The following FBXL2 variants were observed in gnomAD, a reference collection of about 807,000 sequenced individuals.
The protein encoded by FBXL2 is F-box/LRR-repeat protein 2.
In FBXL2, 38 loss-of-function variants were observed where a neutral mutation model predicts 69.2. The observed-to-expected ratio is 0.55, with a 90% CI of 0.42 to 0.72. The LOEUF (loss-of-function observed/expected upper bound fraction) is 0.72, where lower values mean the gene tolerates loss of function less well. Among genes scored for constraint, FBXL2 ranks in the 30% least tolerant of loss-of-function variants. FBXL2 has a pLI of 0.00. For missense variants in FBXL2, 354 were observed against 520.3 expected (o/e 0.68, Z 3.11); for synonymous variants, 192 against 201.3 (o/e 0.95, Z 0.39).
chr3:33,412,587 A>G, the FBXL2 span: 1 of 639,670 alleles, frequency 1.6e-6, no homozygotes. Flanking sequence ...GTCTCAAAAA[A>G]AAAAAAAAAA....
intron 1 of FBXL2, among the ~76,000 whole-genome samples, chr3:33,288,416 TG>T (rs1376108732): frequency 6.6e-6 from 1 of 151,922 alleles, no homozygotes; most frequent in Non-Finnish European, 1.5e-5. Flanking sequence ...ACAGATAAGG[TG>T]GTGAAAAGTA....
At chr3:33,345,618 A>G (rs967586604) in intron 2 of FBXL2, among the ~76,000 whole-genome samples, 8 of 152,240 alleles carry the variant, frequency 5.3e-5, no homozygotes, top group South Asian at 2.1e-4. Flanking sequence ...TTAAGGTTAT[A>G]TGGAACATTC....
chr3:33,383,890 A>C, intron 13 of FBXL2, 99 bp from the exon 14 acceptor site: 1 of 1,095,694 alleles, frequency 9.1e-7, no homozygotes, highest in East Asian at 2.5e-5. Flanking sequence ...GTGTCATCCC[A>C]TTGCAGAAGG....
chr3:33,412,756 C>T, the FBXL2 span: 4 of 1,613,918 alleles, frequency 2.5e-6, no homozygotes, highest in African/African-American at 5.3e-5. Flanking sequence ...GGCGATTCCA[C>T]TTCCATCCTT....
chr3:33,277,714 G>GC (rs904967585), intron 1 of FBXL2, among the ~76,000 whole-genome samples, 199 bp downstream of exon 1: 18 of 152,184 alleles, frequency 1.2e-4, no homozygotes, highest in African/African-American at 3.4e-4. Context: ...GCGCCCGCCT[G>GC]CCGGGGGGCG....
chr3:33,406,784 A>G (rs551101227), downstream of FBXL2, among the ~76,000 whole-genome samples: 39 of 152,322 alleles, frequency 2.6e-4, no homozygotes, highest in African/African-American at 9.4e-4. Flanking sequence ...CTCCCCAGGT[A>G]AAGAATGATC....
chr3:33,361,035 G>A (rs1034918512), intron 4 of FBXL2, among the ~76,000 whole-genome samples: 8 of 143,740 alleles, frequency 5.6e-5, no homozygotes, highest in African/African-American at 1.3e-4. Flanking sequence ...GGGTTCATGC[G>A]ATTCTCCTGC....
chr3:33,371,472 G>GT (rs1398190859), intron 5 of FBXL2, among the ~76,000 whole-genome samples: 2 of 151,566 alleles, frequency 1.3e-5, no homozygotes, highest in East Asian at 3.9e-4. Flanking sequence ...CATCTGGCCG[G>GT]TTTTCATATC....
chr3:33,404,877 G>T (rs142740934), downstream of FBXL2, among the ~76,000 whole-genome samples: 884 of 152,106 alleles, frequency 5.8e-3, 10 homozygotes, highest in African/African-American at 0.021. Context: ...AAACAAAATT[G>T]CTCATATGTA....
At chr3:33,338,856 A>G (rs560487288) in intron 2 of FBXL2, among the ~76,000 whole-genome samples, 1 of 152,320 alleles carries the variant, frequency 6.6e-6, no homozygotes, top group South Asian at 2.1e-4. Context: ...CATTCTGGAC[A>G]TAGGCCCTGG....
chr3:33,279,993 C>T (rs2033795024), intron 1 of FBXL2, among the ~76,000 whole-genome samples: 2 of 152,202 alleles, frequency 1.3e-5, no homozygotes, highest in African/African-American at 2.4e-5. Flanking sequence ...TATATGTTTC[C>T]TCATATATAT....
At chr3:33,323,214 AT>A (rs1448063288) in intron 2 of FBXL2, among the ~76,000 whole-genome samples, 4 of 151,988 alleles carry the variant, frequency 2.6e-5, no homozygotes, top group African/African-American at 9.7e-5. Context: ...AACTTTGCAA[AT>A]TTTTCCTCTC....
At chr3:33,341,093 A>G (rs59376327) in intron 2 of FBXL2, among the ~76,000 whole-genome samples, 30,317 of 151,974 alleles carry the variant, frequency 0.2, 3,685 homozygotes, top group East Asian at 0.47. Flanking sequence ...TGAGCTTTCA[A>G]TGCTTCTTAT....
At chr3:33,385,240 T>A (rs535809819) in intron 14 of FBXL2, among the ~76,000 whole-genome samples, 1 of 152,152 alleles carries the variant, frequency 6.6e-6, no homozygotes, top group African/African-American at 2.4e-5. Context: ...GTAGAGAACA[T>A]TCACTTAGTT....
chr3:33,417,772 T>C, the FBXL2 span, among the ~76,000 whole-genome samples: 81 of 152,196 alleles, frequency 5.3e-4, no homozygotes, highest in Admixed American at 1.9e-3. Context: ...AAAGAATGCT[T>C]ATAATATCAC....
At chr3:33,383,809 G>C in intron 13 of FBXL2, 180 bp from the exon 14 acceptor site, 1 of 598,004 alleles carries the variant, frequency 1.7e-6, no homozygotes, top group Non-Finnish European at 3.0e-6. Context: ...AATTTGTAAT[G>C]AACAGAAACT....
At chr3:33,400,586 A>G (rs1289250260) in intron 12 of FBXL2, among the ~76,000 whole-genome samples, 2 of 152,206 alleles carry the variant, frequency 1.3e-5, no homozygotes, top group African/African-American at 2.4e-5. Context: ...AGAAAGACTT[A>G]TATTCTCACT....
chr3:33,406,631 AT>A (rs1315414526), downstream of FBXL2, among the ~76,000 whole-genome samples: 1 of 152,178 alleles, frequency 6.6e-6, no homozygotes, highest in Admixed American at 6.5e-5. Context: ...ATAAATACCC[AT>A]TTTGCTTTTA....
At chr3:33,279,001 C>T (rs1175904794) in intron 1 of FBXL2, among the ~76,000 whole-genome samples, 1 of 152,166 alleles carries the variant, frequency 6.6e-6, no homozygotes, top group Non-Finnish European at 1.5e-5. Context: ...CCACTTCTTT[C>T]GTTCTGACCC....
Sources: gnomAD v4.1 joint callset for allele counts (sites outside exome capture counted in the v4.1 genomes callset) on GRCh38, gnomAD v4.1.1 for gene constraint, MANE v1.5 for transcripts, NCBI Gene and HGNC (gene_info 2026-07-23, HGNC 2026-07-21) for gene names.